Variants in PCDHGB4 observed in about 807,000 individuals in gnomAD.
PCDHGB4 encodes the protein protocadherin gamma subfamily B, 4.
In PCDHGB4, 38 loss-of-function variants were observed where a neutral mutation model predicts 60.5. That is an observed-to-expected ratio of 0.63 (90% CI 0.48 to 0.82). The LOEUF is 0.82. Among genes scored for constraint, PCDHGB4 ranks in the 40% least tolerant of loss-of-function variants. The pLI is 0.00. For synonymous variants in PCDHGB4, 456 were observed against 509.7 expected (o/e 0.89, Z 1.42); for missense variants, 1,109 against 1,209.6 (o/e 0.92, Z 1.23).
chr5:141,416,098 G>A (rs745507614), intron 1 of PCDHGB4: 19 of 160,674 alleles, frequency 1.2e-4, no homozygotes, highest in Non-Finnish European at 8.1e-5. Flanking sequence ...AAGGGCAATA[G>A]GCCTTTTTCA....
intron 1 of PCDHGB4, among the ~76,000 whole-genome samples, chr5:141,481,065 A>AAAAG (rs1476331686): frequency 6.6e-6 from 1 of 152,164 alleles, no homozygotes; most frequent in African/African-American, 2.4e-5. Context: ...CTCAAAAACA[A>AAAAG]AAAGAAAGAA....
rs187177915 is a variant in PCDHGB4 at position 141,472,338 on chromosome 5, G to A, written c.2398-22469G>A. ...AGGCAGATCACGAGGTTGGGAGATC[G>A]AGACCATCCTGGCTAACACGGTGAA... On this transcript the variant is annotated intron_variant, in intron 1 of 3. Transcript: ENST00000519479. Among the ~76,000 whole-genome samples, 23 of 151,526 alleles carry A rather than the reference G, an allele frequency of 1.5e-4. No homozygotes were observed. The East Asian group carries it at 3.2e-3, about 21-fold the overall frequency.
intron 2 of PCDHGB4, among the ~76,000 whole-genome samples, chr5:141,500,254 G>A (rs1260325865): frequency 1.3e-5 from 2 of 150,426 alleles, no homozygotes; most frequent in Non-Finnish European, 3.0e-5. Context: ...TGTCACCCAG[G>A]CTGGACTGCA....
chr5:141,478,100 C>T, intron 1 of PCDHGB4: 1 of 1,614,124 alleles, frequency 6.2e-7, no homozygotes, highest in Non-Finnish European at 8.5e-7. Context: ...CACTGCTACC[C>T]TCACTGTGTC....
At chr5:141,400,652 T>A in intron 1 of PCDHGB4, 1 of 1,143,230 alleles carries the variant, frequency 8.7e-7, no homozygotes, top group Non-Finnish European at 1.3e-6. Flanking sequence ...AAAGCTGTCC[T>A]ACCATTCTTT....
intron 1 of PCDHGB4, among the ~76,000 whole-genome samples, chr5:141,437,411 T>C (rs1014219268): frequency 1.1e-4 from 17 of 152,222 alleles, no homozygotes; most frequent in African/African-American, 4.1e-4. Flanking sequence ...TCCAGAAGTA[T>C]TATGCTTTTT....
At chr5:141,465,889 G>A (rs956310325) in intron 1 of PCDHGB4, among the ~76,000 whole-genome samples, 4 of 152,056 alleles carry the variant, frequency 2.6e-5, no homozygotes, top group Admixed American at 6.5e-5. Context: ...TTGGGAGGCC[G>A]AGGCGGGCAA....
In PCDHGB4 at chr5:141,487,822, G is replaced by T. The variant is rs1406642768; in HGVS notation, c.2398-6985G>T. ...TGTCACAGTTTAGCATTGGGGGCGG[G>T]TCATGCCTATATCTGAGTAAGAAAT... On this transcript the variant is annotated intron_variant, in intron 1 of 3. Coordinates refer to ENST00000519479, the MANE Select transcript of PCDHGB4 (RefSeq NM_003736.4). This position sits in a 1 kb window ranked among gnomAD's most constrained non-coding sequence, Gnocchi z 5.0. The T allele has an allele frequency of 3.1e-6, 4 of 1,278,640 alleles. No homozygotes were observed. The East Asian group carries it at 7.6e-5, about 24-fold the overall frequency. 79.2% of individuals were successfully genotyped at this position (1,278,640 alleles called of 1,614,324 possible). A position where few individuals can be genotyped will look rare whatever the true frequency, so the allele number is the denominator to read the frequency against.
At position 141,409,826 on chromosome 5, in the gene PCDHGB4, C is replaced by T. The variant is rs565116840; in HGVS notation, c.2397+19545C>T. 14 of 1,611,108 alleles carry T rather than the reference C, an allele frequency of 8.7e-6. No homozygotes were observed. The highest frequency in any genetic ancestry group is 1.3e-5 in the African/African-American group (1 of 75,000). On this transcript the variant is annotated intron_variant, in intron 1 of 3. Coordinates refer to ENST00000519479, the MANE Select transcript of PCDHGB4 (RefSeq NM_003736.4). ...GGCCCGCGACCACGGCTCGCCCACG[C>T]TCAGCGCCAACGTGAGCCTGCGCGT...
Position 141,490,151 on chromosome 5 carries a change from T to A in PCDHGB4, c.2398-4656T>A, listed in dbSNP as rs1449636059. 6.2e-6 allele frequency: 10 copies of A among 1,614,210 alleles called. No homozygotes were observed. The highest frequency in any genetic ancestry group is 8.5e-6 in the Non-Finnish European group (10 of 1,180,018). On this transcript the variant is annotated intron_variant, in intron 1 of 3. Transcript: ENST00000519479. This position sits in a 1 kb window ranked among gnomAD's most constrained non-coding sequence, Gnocchi z 5.4. ...GACCCTAGCAGTGGGGCAATCCATG[T>A]GTTGGGTCCCATAGACTTTGAGGAG... is the stretch of plus-strand genomic sequence containing the variant.
chr5:141,427,766 G>A lies in PCDHGB4; in HGVS notation c.2397+37485G>A, dbSNP rs549550151. The A allele has an allele frequency of 1.1e-4, 152 of 1,386,456 alleles. No homozygotes were observed. In the African/African-American group the frequency reaches 1.8e-3, roughly 17 times the overall value. The allele number at this position is 1,386,456 out of a possible 1,614,324, so 85.9% of individuals were successfully genotyped here. ...CCTACTCCATCGTTACCACTGACTT[G>A]GAGCTGCGGGCACTGTCGTCCTACG... On this transcript the variant is annotated intron_variant, in intron 1 of 3. Transcript: ENST00000519479.
intron 1 of PCDHGB4, chr5:141,415,947 C>G: frequency 1.9e-6 from 1 of 532,382 alleles, no homozygotes; most frequent in Non-Finnish European, 2.8e-6. Flanking sequence ...CCTGGGTGGT[C>G]ACATATTGAA....
At chr5:141,472,980 CAAAA>C (rs60579131) in intron 1 of PCDHGB4, among the ~76,000 whole-genome samples, 3 of 86,106 alleles carry the variant, frequency 3.5e-5, no homozygotes, top group Admixed American at 1.2e-4. Context: ...GAGTGAAACT[CAAAA>C]AAAAAAAAAA....
chr5:141,404,289 A>G (rs552765425), intron 1 of PCDHGB4: 15 of 1,614,006 alleles, frequency 9.3e-6, no homozygotes, highest in East Asian at 4.5e-5. Flanking sequence ...ACTGACATCA[A>G]TGATAATCCA....
Position 141,432,473 on chromosome 5 carries a change from T to G in PCDHGB4, c.2397+42192T>G. On this transcript the variant is annotated intron_variant, in intron 1 of 3. Coordinates refer to ENST00000519479, the MANE Select transcript of PCDHGB4 (RefSeq NM_003736.4). The surrounding 1 kb of genome is among the most constrained non-coding windows in gnomAD (Gnocchi z 6.0). ...GTACCCCGCCCTCCCCACGGACGGT[T>G]CCACTGGCGTGGAGCTGGCTCCCCG... 1 of 1,614,180 alleles carries G rather than the reference T, an allele frequency of 6.2e-7. No individual in the cohort carries two copies. The highest frequency in any genetic ancestry group is 1.1e-5 in the South Asian group (1 of 91,078).
chr5:141,415,078 G>T (rs780547982), intron 1 of PCDHGB4: 2 of 1,613,376 alleles, frequency 1.2e-6, no homozygotes, highest in Non-Finnish European at 8.5e-7. Context: ...CACGGCGCGA[G>T]CCCTGCTGGA....
chr5:141,420,251 G>A lies in PCDHGB4; in HGVS notation c.2397+29970G>A, dbSNP rs778777293. ...TAGCATTTTAACTCCCAGCGTTGAA[G>A]CAGATAAGAAGATTCTTAAACAGGT... is the stretch of plus-strand genomic sequence containing the variant. On this transcript the variant is annotated intron_variant, in intron 1 of 3. Transcript: ENST00000519479. The A allele has an allele frequency of 2.9e-5, 46 of 1,578,746 alleles. No homozygotes were observed. In the South Asian group the frequency reaches 4.5e-4, roughly 15 times the overall value.
At chr5:141,478,870 G>A (rs1463992722) in intron 1 of PCDHGB4, 6 of 1,273,242 alleles carry the variant, frequency 4.7e-6, no homozygotes, top group Non-Finnish European at 5.2e-6. Flanking sequence ...AGCGATCAGA[G>A]TTTAGCTTGG....
chr5:141,467,781 C>T (rs2099151581), intron 1 of PCDHGB4, among the ~76,000 whole-genome samples: 1 of 152,228 alleles, frequency 6.6e-6, no homozygotes, highest in South Asian at 2.1e-4. Context: ...ACCTCAGCCT[C>T]TCAAGTAGCT....
Sources: allele counts gnomAD v4.1 joint callset (sites outside exome capture counted in the v4.1 genomes callset), GRCh38; gene constraint gnomAD v4.1.1; non-coding constraint Gnocchi (gnomAD v3.1); transcripts MANE v1.5; gene names NCBI Gene and HGNC (gene_info 2026-07-23, HGNC 2026-07-21).